NSD3: variants seen among roughly 807,000 people sequenced by gnomAD.
NSD3 encodes histone-lysine N-methyltransferase NSD3.
In NSD3, 24 loss-of-function variants were observed where a neutral mutation model predicts 160.8. That is an observed-to-expected ratio of 0.15 (90% CI 0.11 to 0.21). The LOEUF is 0.21. Among genes scored for constraint, NSD3 ranks in the 10% least tolerant of loss-of-function variants. NSD3 has a pLI of 1.00. For missense variants in NSD3, 1,157 were observed against 1,735.9 expected (o/e 0.67, Z 5.93); for synonymous variants, 520 against 600.0 (o/e 0.87, Z 1.95).
chr8:38,372,431 A>G (rs1811268759), intron 1 of NSD3, among the ~76,000 whole-genome samples: 1 of 152,094 alleles, frequency 6.6e-6, no homozygotes, highest in Non-Finnish European at 1.5e-5. Context: ...GGCAATAACA[A>G]TTAAAAACTG....
chr8:38,336,370 G>C (rs1316338177), intron 4 of NSD3, among the ~76,000 whole-genome samples: 1 of 152,222 alleles, frequency 6.6e-6, no homozygotes, highest in Admixed American at 6.5e-5. Flanking sequence ...AAAAGGAGTA[G>C]AGAAAAGTTA....
At position 38,272,327 on chromosome 8, in the gene NSD3, A is replaced by C. The variant is rs1251519651; in HGVS notation, c.*3314T>G. Reference sequence around the variant, plus strand: ...CAGATCATTTTTGAGAATTAAGATAAGAGTGGGAACTTGTTAAAACAAAAA... The same window carrying C: ...CAGATCATTTTTGAGAATTAAGATACGAGTGGGAACTTGTTAAAACAAAAA... On this transcript the variant is annotated 3_prime_UTR_variant, in exon 24 of 24. Coordinates refer to ENST00000317025, the MANE Select transcript of NSD3 (RefSeq NM_023034.2). 6.6e-6 allele frequency: 1 copy of C among 152,354 alleles called. No homozygotes were observed. Among genetic ancestry groups the C allele is most frequent in the South Asian group, 2.1e-4 (1 of 4,830 alleles). The allele number at this position is 152,354 out of a possible 1,614,324, so 9.4% of individuals were successfully genotyped here. A position where few individuals can be genotyped will look rare whatever the true frequency, so the allele number is the denominator to read the frequency against.
chr8:38,297,569 T>C (rs985406147), intron 15 of NSD3, among the ~76,000 whole-genome samples: 1 of 152,190 alleles, frequency 6.6e-6, no homozygotes, highest in Non-Finnish European at 1.5e-5. Flanking sequence ...AAATCTTGTC[T>C]TCCTATAAAT....
intron 1 of NSD3, among the ~76,000 whole-genome samples, chr8:38,366,102 C>A: frequency 7.6e-6 from 1 of 130,730 alleles, no homozygotes; most frequent in Admixed American, 8.5e-5. Flanking sequence ...TAGTGTGAGA[C>A]TCTGTCTCAA....
intron 7 of NSD3, 136 bp downstream of exon 7, chr8:38,326,594 C>A (rs550594763): frequency 9.2e-7 from 1 of 1,089,490 alleles, no homozygotes; most frequent in African/African-American, 1.6e-5. Flanking sequence ...AAAGTAACTG[C>A]TTTTATATTT....
intron 19 of NSD3, among the ~76,000 whole-genome samples, chr8:38,283,519 T>C (rs760499038): frequency 1.4e-4 from 21 of 150,740 alleles, no homozygotes; most frequent in Non-Finnish European, 2.2e-4. Context: ...CGTTTTCTGA[T>C]TGTGGAAAAT....
intron 15 of NSD3, 130 bp from the exon 16 acceptor site, chr8:38,296,082 C>T (rs942997635): frequency 3.2e-6 from 3 of 937,970 alleles, no homozygotes; most frequent in Non-Finnish European, 4.6e-6. Flanking sequence ...GGGACTGAGT[C>T]ATATCTACAG....
chr8:38,339,306 T>C (rs1454722327), intron 2 of NSD3, among the ~76,000 whole-genome samples: 1 of 152,188 alleles, frequency 6.6e-6, no homozygotes, highest in African/African-American at 2.4e-5. Context: ...ACATTAAATT[T>C]TCAGACTCTG....
chr8:38,291,146 G>C (rs549303160), intron 16 of NSD3, among the ~76,000 whole-genome samples: 1 of 152,110 alleles, frequency 6.6e-6, no homozygotes, highest in Non-Finnish European at 1.5e-5. Flanking sequence ...ATTTAGTCTC[G>C]AGTCAACCTG....
intron 1 of NSD3, among the ~76,000 whole-genome samples, chr8:38,358,536 G>T (rs1308209521): frequency 6.6e-6 from 1 of 152,044 alleles, no homozygotes; most frequent in Non-Finnish European, 1.5e-5. Flanking sequence ...AATTTATGCA[G>T]CAAAAACATT....
intron 7 of NSD3, among the ~76,000 whole-genome samples, chr8:38,323,530 T>C (rs1393772384): frequency 6.6e-6 from 1 of 151,540 alleles, no homozygotes; most frequent in Non-Finnish European, 1.5e-5. Context: ...AAAAAGAAAA[T>C]GTTCAGGCTG....
chr8:38,305,280 G>A lies in NSD3; in HGVS notation c.2408C>T (p.Ser803Phe). 8 of 1,614,188 alleles carry A rather than the reference G, an allele frequency of 5.0e-6. No homozygotes were observed. Among genetic ancestry groups the A allele is most frequent in the Non-Finnish European group, 6.8e-6 (8 of 1,180,038 alleles). The change falls in exon 13 of 24, where the codon TCT becomes TTT. Residue 803 changes from serine to phenylalanine, a missense_variant. Transcript: ENST00000317025. ...TGCTTTGTGGATATCTTTCTCCATA[G>A]AGCAGGCAGAGCAGCAGTGCTGAGG... ...RCPQHCCSAC[S>F]MEKDIHKASK...
At position 38,317,600 on chromosome 8, in the gene NSD3, C is replaced by T; in HGVS notation, c.1855+1295G>A. 1 of 1,112,736 alleles carries T rather than the reference C, an allele frequency of 9.0e-7. No individual in the cohort carries two copies. The allele number at this position is 1,112,736 out of a possible 1,614,324, so 68.9% of individuals were successfully genotyped here. On this transcript the variant is annotated intron_variant, in intron 9 of 23. Transcript: ENST00000317025. The surrounding 1 kb of genome is among the most constrained non-coding windows in gnomAD (Gnocchi z 5.3). ...GAACTTTTAATGATTGTAATGTATA[C>T]AGTTTGGGCTGTTTGGCAAACCCCT... is the stretch of plus-strand genomic sequence containing the variant.
In NSD3 at chr8:38,275,768, G is replaced by C; in HGVS notation, c.4187C>G (p.Pro1396Arg). 6.2e-7 allele frequency: 1 copy of C among 1,614,156 alleles called. No individual in the cohort carries two copies. Among genetic ancestry groups the C allele is most frequent in the South Asian group, 1.1e-5 (1 of 91,080 alleles). ...GCAGAGGCGGCCTTCCAGTGCAGAG[G>C]GAACCAGGGCCCCCTTTTCATGATC... ...CKDHEKGALV[P>R]SALEGRLCCS... Residue 1396 changes from proline to arginine, a missense_variant, in exon 24 of 24, where the codon CCC (proline) becomes CGC (arginine). This residue lies in a region of NSD3 where 222 missense variants were observed against 409.9 expected (regional missense o/e 0.54). Transcript: ENST00000317025.
chr8:38,311,889 T>C (rs1809543028), intron 12 of NSD3, among the ~76,000 whole-genome samples: 1 of 152,218 alleles, frequency 6.6e-6, no homozygotes, highest in South Asian at 2.1e-4. Flanking sequence ...TTTTCCTCTA[T>C]GCAATTTTTT....
Position 38,275,135 on chromosome 8 carries a change from A to G in NSD3, c.*506T>C, listed in dbSNP as rs1808567964. ...TACCTACTGCTCAGTAAAGAGGTATATAAAGCTTATCATACCCTTTCCTAG... is the reference window on the plus strand; with the variant it reads ...TACCTACTGCTCAGTAAAGAGGTATGTAAAGCTTATCATACCCTTTCCTAG... On this transcript the variant is annotated 3_prime_UTR_variant, in exon 24 of 24. Transcript: ENST00000317025. The G allele has an allele frequency of 1.3e-5, 3 of 237,634 alleles. No homozygotes were observed. Among genetic ancestry groups the G allele is most frequent in the Middle Eastern group, 2.5e-3 (2 of 806 alleles). 14.7% of individuals were successfully genotyped at this position (237,634 alleles called of 1,614,324 possible).
intron 19 of NSD3, among the ~76,000 whole-genome samples, chr8:38,284,002 C>T (rs1219949708): frequency 3.3e-5 from 5 of 152,152 alleles, no homozygotes; most frequent in Non-Finnish European, 7.3e-5. Context: ...ACTCAGGATG[C>T]TGAGGCAGGA....
intron 16 of NSD3, among the ~76,000 whole-genome samples, chr8:38,292,231 T>C (rs761217442): frequency 4.6e-5 from 7 of 152,264 alleles, no homozygotes; most frequent in Admixed American, 2.6e-4. Flanking sequence ...GAAAGCAGTA[T>C]GCACTTCTTC....
intron 22 of NSD3, 37 bp downstream of exon 22, chr8:38,278,269 C>T (rs759018812): frequency 6.9e-6 from 11 of 1,587,676 alleles, no homozygotes; most frequent in African/African-American, 4.0e-5. Context: ...TACTCCTTAT[C>T]GCCTGTTGAC....
Sources: allele counts gnomAD v4.1 joint callset (sites outside exome capture counted in the v4.1 genomes callset), GRCh38; gene constraint gnomAD v4.1.1; regional missense constraint gnomAD v4.1.1; non-coding constraint Gnocchi (gnomAD v3.1); transcripts MANE v1.5; gene names NCBI Gene and HGNC (gene_info 2026-07-23, HGNC 2026-07-21).